The following SYCP2L variants were observed in gnomAD, a reference collection of about 807,000 sequenced individuals.
SYCP2L encodes synaptonemal complex protein 2 like.
SYCP2L carries 98 observed loss-of-function variants against 125.8 expected under a neutral mutation model. The ratio of observed to expected loss-of-function variants is 0.78; its 90% confidence interval spans 0.66 to 0.92. The LOEUF (loss-of-function observed/expected upper bound fraction) is 0.92. Among genes scored for constraint, SYCP2L ranks in the 40% least tolerant of loss-of-function variants. The pLI is 0.00. For missense variants in SYCP2L, 842 were observed against 936.4 expected, an observed-to-expected ratio of 0.90 and a Z score of 1.32; for synonymous variants, 317 against 325.4, an observed-to-expected ratio of 0.97 and a Z score of 0.28.
intron 23 of SYCP2L, among the ~76,000 whole-genome samples, chr6:10,951,898 A>G (rs995160630): frequency 6.6e-6 from 1 of 152,212 alleles, no homozygotes; most frequent in African/African-American, 2.4e-5. Flanking sequence ...TGCCAAACAT[A>G]CGTTCACTGA....
At chr6:10,894,226 T>C in intron 4 of SYCP2L, 22 bp downstream of exon 4, 1 of 1,609,808 alleles carries the variant, frequency 6.2e-7, no homozygotes, top group Non-Finnish European at 8.5e-7. Flanking sequence ...ATTTTAATTT[T>C]ATATGGCTTT....
In SYCP2L at chr6:10,964,710, A is replaced by T. The variant is rs532954363; in HGVS notation, c.*37+867A>T. Among the ~76,000 whole-genome samples the T allele has an allele frequency of 1.8e-4, 27 of 152,276 alleles. 1 individual carries two copies. In the East Asian group the frequency reaches 4.8e-3, roughly 27 times the overall value. On this transcript the variant is annotated intron_variant, in intron 29 of 29. Transcript: ENST00000283141. ...CATTAAAAGATACATTTTTTGAAGG[A>T]AGATAGAAAAATGGCAAGTAAACAA...
intron 6 of SYCP2L, among the ~76,000 whole-genome samples, chr6:10,901,527 A>G (rs1780376587): frequency 6.6e-6 from 1 of 152,214 alleles, no homozygotes; most frequent in South Asian, 2.1e-4. Flanking sequence ...GAGTTTCTCA[A>G]TTTTGGCAAT....
In SYCP2L at chr6:10,958,874, A is replaced by G; in HGVS notation, c.2254A>G (p.Arg752Gly). 1 of 1,613,788 alleles carries G rather than the reference A, an allele frequency of 6.2e-7. No individual in the cohort carries two copies. The highest frequency in any genetic ancestry group is 8.5e-7 in the Non-Finnish European group (1 of 1,179,862). ...IKLLNQMQLF[R>G]LNKLERFQNL... ...ACTTTTAAACCAGATGCAACTGTTC[A>G]GGTAAGTTTTAGGTTTCAAAACAAG... Residue 752 changes from arginine to glycine, a missense_variant and splice_region_variant, in exon 26 of 30, where the codon AGA (arginine) becomes GGA (glycine). Physicochemically the swap from Arg to Gly is moderately radical, Grantham distance 125 (BLOSUM62 -2). Transcript: ENST00000283141.
In SYCP2L at chr6:10,924,648, G is replaced by C. The variant is rs1463925529; in HGVS notation, c.1218+7G>C. On this transcript the variant is annotated splice_region_variant and intron_variant, in intron 15 of 29. Coordinates refer to ENST00000283141, the MANE Select transcript of SYCP2L (RefSeq NM_001040274.3). ...TTTAGGAGAAGACAAACAGGTGGCA[G>C]GTTTCATTCTTTTGGATTATTTAAA... is the stretch of plus-strand genomic sequence containing the variant. 1 of 1,544,022 alleles carries C rather than the reference G, an allele frequency of 6.5e-7. No homozygotes were observed. The highest frequency in any genetic ancestry group is 2.4e-5 in the East Asian group (1 of 41,920).
chr6:10,909,407 C>T (rs928951981), intron 10 of SYCP2L, among the ~76,000 whole-genome samples: 3 of 152,142 alleles, frequency 2.0e-5, no homozygotes, highest in Non-Finnish European at 2.9e-5. Flanking sequence ...GGATTACAGG[C>T]GAGAGCCACC....
chr6:10,936,851 A>C (rs1781105030), intron 21 of SYCP2L, among the ~76,000 whole-genome samples: 1 of 152,248 alleles, frequency 6.6e-6, no homozygotes, highest in South Asian at 2.1e-4. Context: ...CAAGAGACAA[A>C]GACTAGATGA....
rs1781458782 is a variant in SYCP2L, at chr6:10,954,123, A to G, written c.1955-993A>G. On this transcript the variant is annotated intron_variant, in intron 23 of 29. Transcript: ENST00000283141. The surrounding 1 kb of genome is among the most constrained non-coding windows in gnomAD (Gnocchi z 4.8). ...CATATTCATGGAATGAATTAGTGAAATTGAATTCCAGAACTTTCAGAGAGA... is the reference window on the plus strand; with the variant it reads ...CATATTCATGGAATGAATTAGTGAAGTTGAATTCCAGAACTTTCAGAGAGA... 6.6e-6 allele frequency among the ~76,000 whole-genome samples: 1 copy of G among 152,222 alleles called. No homozygotes were observed. Among genetic ancestry groups the G allele is most frequent in the South Asian group, 2.1e-4 (1 of 4,826 alleles).
At chr6:10,927,189 A>G (rs758583278) in intron 16 of SYCP2L, 51 bp from the exon 17 acceptor site, 6 of 1,605,058 alleles carry the variant, frequency 3.7e-6, no homozygotes, top group East Asian at 2.2e-5. Context: ...ACTGGTGAGT[A>G]TGTCAGCGTG....
Position 10,898,096 on chromosome 6 carries a change from A to G in SYCP2L, c.422A>G (p.Asp141Gly). Residue 141 changes from aspartate (D) to glycine (G), a missense_variant, in exon 5 of 30, where the codon GAT becomes GGT. Asp to Gly is a moderately conservative substitution (Grantham distance 94, BLOSUM62 -1). Transcript: ENST00000283141. ...ACGTCGCTGATTTGTGTTATAGAAG[A>G]TTTCTTTGACACTGCATTGGTAAGG... The part of the protein sequence containing the change: ...SDTSLICVIE[D>G]FFDTALIISR... 3 of 1,613,708 alleles carry G rather than the reference A, an allele frequency of 1.9e-6. No individual in the cohort carries two copies. Among genetic ancestry groups the G allele is most frequent in the Middle Eastern group, 1.7e-4 (1 of 6,060 alleles).
At chr6:10,967,135 A>G (rs769069963) in intron 29 of SYCP2L, among the ~76,000 whole-genome samples, 6 of 152,190 alleles carry the variant, frequency 3.9e-5, no homozygotes, top group Non-Finnish European at 8.8e-5. Flanking sequence ...TAGAATCATA[A>G]TTAAAGAAAT....
At chr6:10,950,583 T>C (rs547706906) in intron 23 of SYCP2L, among the ~76,000 whole-genome samples, 5 of 152,310 alleles carry the variant, frequency 3.3e-5, no homozygotes, top group African/African-American at 4.8e-5. Context: ...TAAGGTCCAA[T>C]TGGTCTTTTG....
chr6:10,953,567 A>C (rs1781447598), intron 23 of SYCP2L, among the ~76,000 whole-genome samples: 1 of 152,230 alleles, frequency 6.6e-6, no homozygotes, highest in Non-Finnish European at 1.5e-5. Context: ...TGTTGTATTG[A>C]GATCTCCATT....
In SYCP2L at chr6:10,955,018, C is replaced by T. The variant is rs538525231; in HGVS notation, c.1955-98C>T. 9 of 798,176 alleles carry T rather than the reference C, an allele frequency of 1.1e-5. No individual in the cohort carries two copies. The East Asian group carries it at 2.2e-4, about 20-fold the overall frequency. 49.4% of individuals were successfully genotyped at this position (798,176 alleles called of 1,614,324 possible). A position where few individuals can be genotyped will look rare whatever the true frequency, so the allele number is the denominator to read the frequency against. On this transcript the variant is annotated intron_variant, in intron 23 of 29. Transcript: ENST00000283141. ...TAACTCATTAGCAACAGGCAGGGGA[C>T]AAGTTTCAGATGGTACTCTTCACAG... is the stretch of plus-strand genomic sequence containing the variant.
intron 14 of SYCP2L, among the ~76,000 whole-genome samples, chr6:10,919,147 C>T (rs1470375219): frequency 6.6e-6 from 1 of 151,992 alleles, no homozygotes; most frequent in Non-Finnish European, 1.5e-5. Flanking sequence ...TGTTAAAGAA[C>T]CTTATTTTGT....
At chr6:10,931,536 G>T in intron 20 of SYCP2L, 47 bp downstream of exon 20, 1 of 1,549,102 alleles carries the variant, frequency 6.5e-7, no homozygotes, top group East Asian at 2.3e-5. Flanking sequence ...GAGTTAAACT[G>T]CATTTATTTC....
At chr6:10,887,681 G>C (rs891297787) in intron 1 of SYCP2L, among the ~76,000 whole-genome samples, 10 of 152,126 alleles carry the variant, frequency 6.6e-5, no homozygotes, top group African/African-American at 2.4e-4. Flanking sequence ...CTGGGTTCCT[G>C]GTGGTAGAAA....
At chr6:10,927,468 A>G in intron 17 of SYCP2L, 101 bp downstream of exon 17, 1 of 877,570 alleles carries the variant, frequency 1.1e-6, no homozygotes, top group South Asian at 1.7e-5. Context: ...CAGGGGAGAC[A>G]TCACATGTCG....
At chr6:10,926,969 C>T (rs980362906) in intron 16 of SYCP2L, among the ~76,000 whole-genome samples, 12 of 152,092 alleles carry the variant, frequency 7.9e-5, no homozygotes, top group South Asian at 2.1e-4. Flanking sequence ...TCAGCAGAGA[C>T]GGGATTTTGC....
Sources: gnomAD v4.1 joint callset for allele counts (sites outside exome capture counted in the v4.1 genomes callset) on GRCh38, gnomAD v4.1.1 for gene constraint, Gnocchi (gnomAD v3.1) non-coding constraint, MANE v1.5 for transcripts, NCBI Gene and HGNC (gene_info 2026-07-23, HGNC 2026-07-21) for gene names.